Variants in MED12L observed in about 807,000 individuals in gnomAD.
The protein encoded by MED12L is mediator complex subunit 12L.
MED12L carries 60 observed loss-of-function variants against 281.3 expected under a neutral mutation model. That is an observed-to-expected ratio of 0.21 (90% confidence interval 0.17 to 0.26). MED12L has a LOEUF of 0.26. Ranked by LOEUF, MED12L falls within the 10% of genes least tolerant of loss-of-function variation. MED12L has a pLI of 1.00. For missense variants in MED12L, 2,146 were observed against 2,680.9 expected, an observed-to-expected ratio of 0.80 and a Z score of 4.41; for synonymous variants, 974 against 987.2, an observed-to-expected ratio of 0.99 and a Z score of 0.25.
intron 37 of MED12L, 36 bp from the exon 38 acceptor site, chr3:151,389,943 G>C (rs368868417): frequency 4.4e-6 from 7 of 1,607,160 alleles, no homozygotes; most frequent in Non-Finnish European, 2.6e-6. Context: ...GTGATATGTG[G>C]AGTTACGTAA....
chr3:151,300,082 G>A (rs757902052), intron 16 of MED12L: 1 of 1,606,274 alleles, frequency 6.2e-7, no homozygotes, highest in East Asian at 2.2e-5. Flanking sequence ...AATTTTGCAA[G>A]CGTCAAGTTG....
chr3:151,336,968 A>AT (rs57858373), intron 16 of MED12L: 60,765 of 152,106 alleles, frequency 0.4, 12,461 homozygotes, highest in African/African-American at 0.48. Context: ...TATTTAATTA[A>AT]TTTTTTTCAC....
intron 11 of MED12L, among the ~76,000 whole-genome samples, chr3:151,183,067 T>C (rs1722890548): frequency 6.6e-6 from 1 of 152,210 alleles, no homozygotes; most frequent in Non-Finnish European, 1.5e-5. Flanking sequence ...TTACATTTTT[T>C]TTCTATTTAT....
chr3:151,222,874 G>C (rs1044003378), intron 16 of MED12L, among the ~76,000 whole-genome samples: 2 of 152,114 alleles, frequency 1.3e-5, no homozygotes, highest in Non-Finnish European at 2.9e-5. Context: ...TATATTCCAA[G>C]TAGGCCTGAA....
At position 151,193,603 on chromosome 3, in the gene MED12L, T is replaced by G. The variant is rs750115202; in HGVS notation, c.2187T>G (p.Ile729Met). The change falls in exon 16 of 45, where the codon ATT becomes ATG. Residue 729 changes from isoleucine to methionine, a missense_variant. Physicochemically the swap from Ile to Met is conservative, Grantham distance 10. Coordinates refer to ENST00000687756, the MANE Select transcript of MED12L (RefSeq NM_001393769.1). ...AGAGGGAAAAGCCAAGGGAATTAAT[T>G]TTTCCATCTAATTATGACCTCCTTC... ...LVKREKPREL[I>M]FPSNYDLLRH... The G allele has an allele frequency of 6.2e-7, 1 of 1,614,112 alleles. No individual in the cohort carries two copies. Among genetic ancestry groups the G allele is most frequent in the Admixed American group, 1.7e-5 (1 of 60,034 alleles).
At chr3:151,357,468 C>T in intron 20 of MED12L, 92 bp downstream of exon 20, 1 of 1,136,272 alleles carries the variant, frequency 8.8e-7, no homozygotes, top group Non-Finnish European at 1.2e-6. Flanking sequence ...AAAAATAGTA[C>T]TGATACCTGT....
intron 16 of MED12L, chr3:151,294,197 C>T (rs138308360): frequency 1.9e-4 from 301 of 1,607,574 alleles, no homozygotes; most frequent in African/African-American, 1.7e-3. Flanking sequence ...ATAATATATG[C>T]GAACTTCCGA....
At chr3:151,165,705 T>C in intron 10 of MED12L, 141 bp from the exon 11 acceptor site, 1 of 1,023,984 alleles carries the variant, frequency 9.8e-7, no homozygotes, top group East Asian at 2.4e-5. Context: ...TTTGGTTTTG[T>C]TGATGATTGT....
intron 16 of MED12L, among the ~76,000 whole-genome samples, chr3:151,225,737 A>T (rs551216728): frequency 6.6e-6 from 1 of 152,010 alleles, no homozygotes; most frequent in African/African-American, 2.4e-5. Flanking sequence ...CAGAAGAAGG[A>T]ACTCTCCCAC....
chr3:151,248,180 A>G (rs894052056), intron 16 of MED12L, among the ~76,000 whole-genome samples: 4 of 152,058 alleles, frequency 2.6e-5, no homozygotes, highest in Admixed American at 2.0e-4. Context: ...GCTCAGAGGA[A>G]GCAATCAGAA....
At chr3:151,375,286 A>T (rs1221374685) in intron 27 of MED12L, among the ~76,000 whole-genome samples, 4 of 152,252 alleles carry the variant, frequency 2.6e-5, no homozygotes, top group Non-Finnish European at 5.9e-5. Context: ...TGGTGGTTAA[A>T]AAACAGACTT....
At chr3:151,199,487 T>A in intron 16 of MED12L, 1 of 1,026,228 alleles carries the variant, frequency 9.7e-7, no homozygotes, top group Non-Finnish European at 1.4e-6. Context: ...AATTAGCAAC[T>A]ATTTTCTTTA....
At chr3:151,294,796 A>T in intron 16 of MED12L, 7 of 1,614,176 alleles carry the variant, frequency 4.3e-6, no homozygotes, top group Non-Finnish European at 5.9e-6. Flanking sequence ...TGTACATCCG[A>T]GAGTCCCCAA....
At position 151,158,803 on chromosome 3, in the gene MED12L, T is replaced by C. The variant is rs1262178516; in HGVS notation, c.837+4T>C. On this transcript the variant is annotated splice_donor_region_variant and intron_variant, in intron 7 of 44. Transcript: ENST00000687756. ...CTTGCTACCACTAATGCTGCAGGTA[T>C]AGTACATGTCCCCTTGAGGCAGTTG... 4 of 1,586,214 alleles carry C rather than the reference T, an allele frequency of 2.5e-6. No homozygotes were observed. Among genetic ancestry groups the C allele is most frequent in the Non-Finnish European group, 3.5e-6 (4 of 1,154,988 alleles).
At chr3:151,403,432 A>G (rs1420961245) in intron 39 of MED12L, among the ~76,000 whole-genome samples, 1 of 152,194 alleles carries the variant, frequency 6.6e-6, no homozygotes, top group Non-Finnish European at 1.5e-5. Flanking sequence ...CCAATGCAAG[A>G]TAATGAAAAC....
intron 37 of MED12L, among the ~76,000 whole-genome samples, chr3:151,389,032 A>G (rs1229733227): frequency 6.6e-6 from 1 of 152,196 alleles, no homozygotes; most frequent in Non-Finnish European, 1.5e-5. Flanking sequence ...ATCTTTTCCT[A>G]GCTGATAGCT....
At chr3:151,126,491 A>G (rs1176867727) in intron 4 of MED12L, among the ~76,000 whole-genome samples, 1 of 152,224 alleles carries the variant, frequency 6.6e-6, no homozygotes, top group Non-Finnish European at 1.5e-5. Flanking sequence ...GAATTATTCT[A>G]GGATCACACT....
chr3:151,169,164 C>T lies in MED12L; in HGVS notation c.1494+3182C>T, dbSNP rs1721116800. ...ACGGAGTCTCTGTCTGTCTCCCAGGCTGGAGTGCAGTGGCGTGATCTTGGC... is the reference window on the plus strand; with the variant it reads ...ACGGAGTCTCTGTCTGTCTCCCAGGTTGGAGTGCAGTGGCGTGATCTTGGC... On this transcript the variant is annotated intron_variant, in intron 11 of 44. Transcript: ENST00000687756. 2.2e-5 allele frequency among the ~76,000 whole-genome samples: 3 copies of T among 139,534 alleles called. No homozygotes were observed. In the Admixed American group the frequency reaches 2.3e-4, roughly 11 times the overall value. The allele number at this position is 139,534 out of a possible 152,430, so 91.5% of individuals were successfully genotyped here.
At chr3:151,272,224 A>T (rs1026910265) in intron 16 of MED12L, among the ~76,000 whole-genome samples, 1 of 152,244 alleles carries the variant, frequency 6.6e-6, no homozygotes, top group East Asian at 1.9e-4. Context: ...TTGAAGATGC[A>T]AAGAGGTAAA....
Sources: allele counts gnomAD v4.1 joint callset (sites outside exome capture counted in the v4.1 genomes callset), GRCh38; gene constraint gnomAD v4.1.1; transcripts MANE v1.5; gene names NCBI Gene and HGNC (gene_info 2026-07-23, HGNC 2026-07-21).